Variants in BMP6 observed in about 807,000 individuals in gnomAD.
BMP6 encodes the protein bone morphogenetic protein 6.
Under a neutral mutation model 54.1 loss-of-function variants are expected in BMP6, and 17 were observed. That is an observed-to-expected ratio of 0.31 (90% CI 0.22 to 0.47). The LOEUF is 0.47. Ranked by LOEUF, BMP6 falls within the 20% of genes least tolerant of loss-of-function variation. The probability of loss-of-function intolerance (pLI) is 1.00; values close to 1 mark genes in which losing one functional copy is unlikely to be tolerated. For missense variants in BMP6, 720 were observed against 690.4 expected (o/e 1.04, Z -0.48); for synonymous variants, 328 against 291.2 (o/e 1.13, Z -1.28).
At chr6:7,829,274 C>G (rs1243674740) in intron 1 of BMP6, among the ~76,000 whole-genome samples, 2 of 152,162 alleles carry the variant, frequency 1.3e-5, no homozygotes, top group Admixed American at 6.5e-5. Flanking sequence ...TCTTCTCTCT[C>G]TCTCTGTCTT....
intron 1 of BMP6, among the ~76,000 whole-genome samples, chr6:7,732,703 A>G (rs936503937): frequency 6.6e-6 from 1 of 152,220 alleles, no homozygotes; most frequent in African/African-American, 2.4e-5. Flanking sequence ...AACGTAGTAT[A>G]TCAAACGTAG....
intron 1 of BMP6, among the ~76,000 whole-genome samples, chr6:7,780,545 A>T (rs1196168413): frequency 6.6e-6 from 1 of 150,864 alleles, no homozygotes; most frequent in Admixed American, 6.6e-5. Context: ...GTGAAATTCC[A>T]TCGCAAAAAA....
chr6:7,876,934 T>C (rs1759630325), intron 4 of BMP6, among the ~76,000 whole-genome samples: 1 of 152,190 alleles, frequency 6.6e-6, no homozygotes. Context: ...TTGTTTTGTT[T>C]TGGTATTCTT....
intron 2 of BMP6, among the ~76,000 whole-genome samples, chr6:7,855,633 C>T (rs1003605659): frequency 7.1e-6 from 1 of 140,892 alleles, no homozygotes; most frequent in Admixed American, 7.7e-5. Context: ...ACAATCTCAG[C>T]TCACTGCAAC....
chr6:7,814,772 A>C (rs1758500495), intron 1 of BMP6, among the ~76,000 whole-genome samples: 1 of 152,134 alleles, frequency 6.6e-6, no homozygotes, highest in Non-Finnish European at 1.5e-5. Flanking sequence ...TATTTAAATG[A>C]AAACACATGG....
At chr6:7,860,025 G>A (rs1384993483) in intron 2 of BMP6, among the ~76,000 whole-genome samples, 4 of 152,164 alleles carry the variant, frequency 2.6e-5, no homozygotes, top group African/African-American at 9.7e-5. Flanking sequence ...ATCACAGGTC[G>A]TCTTTGGTAA....
chr6:7,872,554 C>T (rs1414178733), intron 4 of BMP6, among the ~76,000 whole-genome samples: 4 of 152,164 alleles, frequency 2.6e-5, no homozygotes, highest in Non-Finnish European at 4.4e-5. Flanking sequence ...CAGTGTCTGG[C>T]GCTAAAAGAA....
rs142553468 is a variant in BMP6, at chr6:7,759,932, T to G, written c.664+32313T>G. 3.1e-3 allele frequency among the ~76,000 whole-genome samples: 475 copies of G among 152,086 alleles called. 1 individual carries two copies. The highest frequency in any genetic ancestry group is 0.011 in the African/African-American group (453 of 41,494). ...TTGGCCAGGCTAGTCTCAGAACTCC[T>G]GACCTCAGGTGATCTGCCTACCTTG... On this transcript the variant is annotated intron_variant, in intron 1 of 6. Coordinates refer to ENST00000283147, the MANE Select transcript of BMP6 (RefSeq NM_001718.6).
At chr6:7,751,432 T>C (rs186230799) in intron 1 of BMP6, among the ~76,000 whole-genome samples, 1 of 152,256 alleles carries the variant, frequency 6.6e-6, no homozygotes, top group Non-Finnish European at 1.5e-5. Context: ...ATCTTTGATA[T>C]CTTTTTAAGC....
intron 1 of BMP6, among the ~76,000 whole-genome samples, chr6:7,831,379 T>C (rs1758790165): frequency 6.6e-6 from 1 of 152,204 alleles, no homozygotes. Flanking sequence ...TTAGAGGTAG[T>C]GGATGCACAA....
At position 7,855,624 on chromosome 6, in the gene BMP6, C is replaced by G. The variant is rs139870794; in HGVS notation, c.858-5827C>G. ...TCGCTCAGGCTGGGGTGCAGTGGCA[C>G]AATCTCAGCTCACTGCAACCTGCAC... On this transcript the variant is annotated intron_variant, in intron 2 of 6. Transcript: ENST00000283147. 2.0e-4 allele frequency among the ~76,000 whole-genome samples: 27 copies of G among 135,406 alleles called. No homozygotes were observed. In the East Asian group the frequency reaches 5.7e-3, roughly 29 times the overall value. The allele number at this position is 135,406 out of a possible 152,430, so 88.8% of individuals were successfully genotyped here. A position where few individuals can be genotyped will look rare whatever the true frequency, so the allele number is the denominator to read the frequency against.
intron 1 of BMP6, among the ~76,000 whole-genome samples, chr6:7,762,755 C>T (rs1757631459): frequency 6.6e-6 from 1 of 152,148 alleles, no homozygotes; most frequent in Non-Finnish European, 1.5e-5. Context: ...AAGTGTTTTT[C>T]CAGTGCCCAT....
At chr6:7,732,766 G>A (rs1452477546) in intron 1 of BMP6, among the ~76,000 whole-genome samples, 1 of 152,190 alleles carries the variant, frequency 6.6e-6, no homozygotes, top group African/African-American at 2.4e-5. Context: ...ATTTACGAAG[G>A]TGAGTTAGAC....
chr6:7,771,835 C>G (rs2113156008), intron 1 of BMP6, among the ~76,000 whole-genome samples: 1 of 152,172 alleles, frequency 6.6e-6, no homozygotes, highest in East Asian at 1.9e-4. Flanking sequence ...GGTGGATCAC[C>G]TGAGGTCAGG....
chr6:7,762,047 G>A (rs1466600521), intron 1 of BMP6, among the ~76,000 whole-genome samples: 1 of 151,944 alleles, frequency 6.6e-6, no homozygotes, highest in Admixed American at 6.6e-5. Flanking sequence ...TCAGCCTCCC[G>A]AGTAGCTGGG....
intron 1 of BMP6, among the ~76,000 whole-genome samples, chr6:7,792,294 C>T (rs1758120648): frequency 6.6e-6 from 1 of 152,210 alleles, no homozygotes; most frequent in South Asian, 2.1e-4. Context: ...TTAACCTCAT[C>T]TATAAAACAC....
chr6:7,839,685 A>G (rs1398239185), intron 1 of BMP6, among the ~76,000 whole-genome samples: 5 of 152,206 alleles, frequency 3.3e-5, no homozygotes, highest in Non-Finnish European at 7.3e-5. Flanking sequence ...GGTCTGTACC[A>G]CATTGTGTTT....
At chr6:7,822,150 A>G (rs983615402) in intron 1 of BMP6, among the ~76,000 whole-genome samples, 3 of 152,072 alleles carry the variant, frequency 2.0e-5, no homozygotes, top group African/African-American at 7.2e-5. Flanking sequence ...CCTCCCGAGT[A>G]GCTGGGGTTA....
At chr6:7,732,695 C>G (rs925140686) in intron 1 of BMP6, among the ~76,000 whole-genome samples, 1 of 152,062 alleles carries the variant, frequency 6.6e-6, no homozygotes, top group Non-Finnish European at 1.5e-5. Context: ...GTATATCAAA[C>G]GTAGTATATC....
Sources: allele counts gnomAD v4.1 joint callset (sites outside exome capture counted in the v4.1 genomes callset), GRCh38; gene constraint gnomAD v4.1.1; transcripts MANE v1.5; gene names NCBI Gene and HGNC (gene_info 2026-07-23, HGNC 2026-07-21).